C1QTNF3: variants seen among roughly 807,000 people sequenced by gnomAD.
C1QTNF3 encodes complement C1q tumor necrosis factor-related protein 3.
In C1QTNF3, 26 loss-of-function variants were observed where a neutral mutation model predicts 32.6. That is an observed-to-expected ratio of 0.80 (90% CI 0.58 to 1.11). The LOEUF (loss-of-function observed/expected upper bound fraction) is 1.11, where lower values mean the gene tolerates loss of function less well. Among genes scored for constraint, C1QTNF3 ranks in the 50% least tolerant of loss-of-function variants. The pLI is 0.00. For synonymous variants in C1QTNF3, 155 were observed against 146.0 expected (o/e 1.06, Z -0.44); for missense variants, 362 against 398.2 (o/e 0.91, Z 0.77).
the C1QTNF3 span, among the ~76,000 whole-genome samples, chr5:34,224,157 C>A: frequency 6.6e-6 from 1 of 152,066 alleles, no homozygotes; most frequent in East Asian, 1.9e-4. Flanking sequence ...AAAGAGGATA[C>A]AAAGAAATAG....
chr5:34,169,759 T>C, the C1QTNF3 span, among the ~76,000 whole-genome samples: 9 of 152,112 alleles, frequency 5.9e-5, no homozygotes, highest in Non-Finnish European at 1.2e-4. Context: ...TGTTAGGATG[T>C]TGATTTTCAA....
rs840388 is a variant in C1QTNF3, at chr5:34,018,785, T to G, written c.*1798A>C. Among the ~76,000 whole-genome samples, 69,925 of 151,998 alleles carry G rather than the reference T, an allele frequency of 0.46. 16,747 individuals are homozygous for G. The highest frequency in any genetic ancestry group is 0.71 in the South Asian group (3,446 of 4,820). The stretch of plus-strand genomic sequence containing the variant: ...ACAGTTCTACACCATATTACATCCC[T>G]GAAGCAAGCAGAAACTCAAGTGCTT... On this transcript the variant is annotated 3_prime_UTR_variant, in exon 6 of 6. Transcript: ENST00000382065.
chr5:34,033,503 T>A, intron 2 of C1QTNF3, 45 bp from the exon 3 acceptor site: 1 of 1,612,222 alleles, frequency 6.2e-7, no homozygotes, highest in South Asian at 1.1e-5. Context: ...CAGTCACTCA[T>A]ACTTACCATC....
chr5:34,223,057 T>A, the C1QTNF3 span, among the ~76,000 whole-genome samples: 2,198 of 151,928 alleles, frequency 0.014, 35 homozygotes, highest in South Asian at 0.034. Context: ...TTAGGGTACA[T>A]GTGCACAATG....
chr5:34,051,160 T>G, the C1QTNF3 span, among the ~76,000 whole-genome samples: 1 of 152,196 alleles, frequency 6.6e-6, no homozygotes, highest in Non-Finnish European at 1.5e-5. Flanking sequence ...ACATACAAAA[T>G]GGGACACTAC....
At chr5:34,020,917 C>A (rs538208307) in intron 5 of C1QTNF3, among the ~76,000 whole-genome samples, 175 bp from the exon 6 acceptor site, 1 of 152,328 alleles carries the variant, frequency 6.6e-6, no homozygotes, top group South Asian at 2.1e-4. Flanking sequence ...GCTAGTAACA[C>A]TCTCACAAAA....
chr5:34,108,565 C>T, the C1QTNF3 span, among the ~76,000 whole-genome samples: 1 of 151,974 alleles, frequency 6.6e-6, no homozygotes, highest in Non-Finnish European at 1.5e-5. Context: ...TAAGAGCTGT[C>T]TAGTATTTTC....
the C1QTNF3 span, among the ~76,000 whole-genome samples, chr5:34,111,164 A>G: frequency 6.6e-6 from 1 of 152,198 alleles, no homozygotes; most frequent in South Asian, 2.1e-4. Context: ...TTTTGCACAG[A>G]TGATCTATAG....
the C1QTNF3 span, among the ~76,000 whole-genome samples, chr5:34,237,327 T>C: frequency 1.3e-5 from 2 of 152,240 alleles, no homozygotes; most frequent in African/African-American, 2.4e-5. Flanking sequence ...TAGTCTATTT[T>C]GGTCTCAATT....
chr5:34,168,281 ATGCG>A, the C1QTNF3 span: 7 of 143,960 alleles, frequency 4.9e-5, no homozygotes, highest in African/African-American at 1.1e-4. Flanking sequence ...GTGTGTGTGC[ATGCG>A]TGTGTGTGTG....
At chr5:34,070,317 C>T in the C1QTNF3 span, among the ~76,000 whole-genome samples, 2 of 152,180 alleles carry the variant, frequency 1.3e-5, no homozygotes, top group African/African-American at 4.8e-5. Context: ...CTCCACTCAA[C>T]CAGTCATAAT....
the C1QTNF3 span, among the ~76,000 whole-genome samples, chr5:34,125,975 G>A: frequency 2.6e-5 from 4 of 152,284 alleles, no homozygotes; most frequent in South Asian, 4.1e-4. Context: ...AATTGTCTAA[G>A]TTTAATTTCT....
chr5:34,032,372 C>T (rs1162838353), intron 3 of C1QTNF3, among the ~76,000 whole-genome samples: 2 of 152,162 alleles, frequency 1.3e-5, no homozygotes, highest in Non-Finnish European at 2.9e-5. Flanking sequence ...CAGTTTTAAC[C>T]TCATAAATTG....
At chr5:34,165,656 C>T in the C1QTNF3 span, 1 of 151,820 alleles carries the variant, frequency 6.6e-6, no homozygotes, top group Non-Finnish European at 1.5e-5. Flanking sequence ...AAATAATTTA[C>T]TTTAGATGTT....
the C1QTNF3 span, among the ~76,000 whole-genome samples, chr5:34,171,041 T>C: frequency 2.0e-5 from 3 of 152,064 alleles, no homozygotes; most frequent in Non-Finnish European, 2.9e-5. Context: ...TTAAAATGGG[T>C]TCCAGGCACA....
At chr5:34,044,428 T>C (rs548528157), upstream of C1QTNF3, among the ~76,000 whole-genome samples, 1 of 152,126 alleles carries the variant, frequency 6.6e-6, no homozygotes, top group Non-Finnish European at 1.5e-5. Flanking sequence ...GAGGAGGCAC[T>C]GTGGGAAACT....
At chr5:34,028,678 C>A (rs1293606532) in intron 4 of C1QTNF3, 76 bp downstream of exon 4, 1 of 1,298,848 alleles carries the variant, frequency 7.7e-7, no homozygotes, top group Non-Finnish European at 1.0e-6. Context: ...CCCTCCCTCT[C>A]TTCTTTCCTT....
the C1QTNF3 span, among the ~76,000 whole-genome samples, chr5:34,091,216 A>T: frequency 6.6e-6 from 1 of 152,216 alleles, no homozygotes; most frequent in Non-Finnish European, 1.5e-5. Flanking sequence ...TGACATGCTG[A>T]CCTGTTGCAG....
chr5:34,216,674 T>G, the C1QTNF3 span, among the ~76,000 whole-genome samples: 4 of 152,190 alleles, frequency 2.6e-5, no homozygotes, highest in East Asian at 7.7e-4. Context: ...GAAGAATAGA[T>G]TCTAAAAAGC....
Sources: allele counts gnomAD v4.1 joint callset (sites outside exome capture counted in the v4.1 genomes callset), GRCh38; gene constraint gnomAD v4.1.1; transcripts MANE v1.5; gene names NCBI Gene and HGNC (gene_info 2026-07-23, HGNC 2026-07-21).